Variants in FAM169A observed in about 807,000 individuals in gnomAD.
The protein encoded by FAM169A is soluble lamin-associated protein of 75 kDa.
FAM169A carries 24 observed loss-of-function variants against 75.7 expected under a neutral mutation model. The observed-to-expected ratio is 0.32, with a 90% CI of 0.23 to 0.45. The LOEUF is 0.45. Among genes scored for constraint, FAM169A ranks in the 20% least tolerant of loss-of-function variants. The probability of loss-of-function intolerance (pLI) is 1.00; values close to 1 mark genes in which losing one functional copy is unlikely to be tolerated. For synonymous variants in FAM169A, 271 were observed against 271.0 expected, an observed-to-expected ratio of 1.00 and a Z score of 0.00; for missense variants, 673 against 784.0, an observed-to-expected ratio of 0.86 and a Z score of 1.69.
rs1451665646 is a variant in FAM169A, at chr5:74,779,130, C to T, written c.*2330G>A. The stretch of plus-strand genomic sequence containing the variant: ...GAACAAAAAACTTCTAAATTGTTTA[C>T]AATTCACTTACTATTTAACCCAAAC... On this transcript the variant is annotated 3_prime_UTR_variant, in exon 13 of 13. Coordinates refer to ENST00000687041, the MANE Select transcript of FAM169A (RefSeq NM_001376049.1). 1 of 152,060 alleles carries T rather than the reference C, an allele frequency of 6.6e-6. No individual in the cohort carries two copies. Among genetic ancestry groups the T allele is most frequent in the East Asian group, 1.9e-4 (1 of 5,200 alleles). The allele number at this position is 152,060 out of a possible 1,614,324, so 9.4% of individuals were successfully genotyped here. A position where few individuals can be genotyped will look rare whatever the true frequency, so the allele number is the denominator to read the frequency against.
chr5:74,864,627 G>C (rs1489226509), intron 1 of FAM169A, among the ~76,000 whole-genome samples: 1 of 152,116 alleles, frequency 6.6e-6, no homozygotes, highest in Non-Finnish European at 1.5e-5. Flanking sequence ...AAATCCACAG[G>C]TAAAACACCT....
At chr5:74,863,598 TAGGC>T (rs1750151994) in intron 1 of FAM169A, among the ~76,000 whole-genome samples, 1 of 152,252 alleles carries the variant, frequency 6.6e-6, no homozygotes, top group Admixed American at 6.5e-5. Flanking sequence ...ACTGAATTTT[TAGGC>T]AGATGACTGA....
At position 74,783,122 on chromosome 5, in the gene FAM169A, C is replaced by G. The variant is rs369687897; in HGVS notation, c.1273G>C (p.Glu425Gln). 5 of 1,611,540 alleles carry G rather than the reference C, an allele frequency of 3.1e-6. No individual in the cohort carries two copies. The highest frequency in any genetic ancestry group is 4.2e-6 in the Non-Finnish European group (5 of 1,178,406). Residue 425 changes from glutamate (E) to glutamine (Q), a missense_variant, in exon 12 of 13, where the codon GAG (glutamate) becomes CAG (glutamine). By Grantham distance (29) the Glu-to-Gln change is conservative. Coordinates refer to ENST00000687041, the MANE Select transcript of FAM169A (RefSeq NM_001376049.1). ...TCCATTATCTCACCATTCATAGGCT[C>G]TAATTCAGATTCCTACACCATGAGG... ...KQDGEKESEL[E>Q]PMNGEIMDDS...
intron 5 of FAM169A, among the ~76,000 whole-genome samples, chr5:74,814,877 T>G (rs1211870828): frequency 6.6e-6 from 1 of 152,226 alleles, no homozygotes; most frequent in Non-Finnish European, 1.5e-5. Flanking sequence ...CAGTCATTAT[T>G]CTATTATTTT....
At chr5:74,845,294 G>C (rs1040438020) in intron 1 of FAM169A, among the ~76,000 whole-genome samples, 2 of 152,108 alleles carry the variant, frequency 1.3e-5, no homozygotes. Context: ...TGAGGTGGTT[G>C]GATCATGAGG....
chr5:74,866,574 C>T, upstream of FAM169A: 1 of 531,434 alleles, frequency 1.9e-6, no homozygotes, highest in Non-Finnish European at 2.4e-6. Flanking sequence ...TCACGCGGCC[C>T]CCGCCTCGCC....
At chr5:74,858,192 C>T (rs1749823798) in intron 1 of FAM169A, among the ~76,000 whole-genome samples, 1 of 151,830 alleles carries the variant, frequency 6.6e-6, no homozygotes, top group Admixed American at 6.6e-5. Flanking sequence ...TTGAGACCAG[C>T]CTGACCAACA....
chr5:74,859,312 CAG>C (rs1231086049), intron 1 of FAM169A, among the ~76,000 whole-genome samples: 2 of 98,686 alleles, frequency 2.0e-5, no homozygotes, highest in East Asian at 6.3e-4. Flanking sequence ...TTTTTTGAGA[CAG>C]AGTCTTGCTC....
intron 10 of FAM169A, chr5:74,799,299 G>T: frequency 6.3e-7 from 1 of 1,581,418 alleles, no homozygotes; most frequent in Non-Finnish European, 8.7e-7. Flanking sequence ...CTACTTTTGT[G>T]AAGTGGTCCG....
At chr5:74,835,936 C>A (rs1408445887) in intron 4 of FAM169A, among the ~76,000 whole-genome samples, 2 of 152,096 alleles carry the variant, frequency 1.3e-5, no homozygotes, top group African/African-American at 4.8e-5. Context: ...GAAGATAGAG[C>A]CATGATGTTC....
intron 6 of FAM169A, among the ~76,000 whole-genome samples, chr5:74,812,686 CAAAG>C (rs1747265797): frequency 6.6e-6 from 1 of 151,970 alleles, no homozygotes; most frequent in African/African-American, 2.4e-5. Flanking sequence ...CAGATTTCTC[CAAAG>C]AAGATATACA....
intron 5 of FAM169A, among the ~76,000 whole-genome samples, chr5:74,823,036 G>T (rs1747841864): frequency 6.6e-6 from 1 of 152,080 alleles, no homozygotes; most frequent in Non-Finnish European, 1.5e-5. Flanking sequence ...TACTAAAACA[G>T]CTCTTTTAAT....
At chr5:74,866,827 G>T (rs929602446), upstream of FAM169A, 1 of 985,452 alleles carries the variant, frequency 1.0e-6, no homozygotes, top group Non-Finnish European at 1.2e-6. Context: ...TACCCAGAGT[G>T]GGCGCGGCCA....
At position 74,778,588 on chromosome 5, in the gene FAM169A, T is replaced by C. The variant is rs1462659145; in HGVS notation, c.*2872A>G. On this transcript the variant is annotated 3_prime_UTR_variant, in exon 13 of 13. Transcript: ENST00000687041. ...AGACTGACGTTCTAAATCATGCTGT[T>C]TGATTTTATAAAAAAATCATAATAG... 1.6e-5 allele frequency: 2 copies of C among 126,356 alleles called. No homozygotes were observed. Among genetic ancestry groups the C allele is most frequent in the Non-Finnish European group, 3.1e-5 (2 of 64,498 alleles). 7.8% of individuals were successfully genotyped at this position (126,356 alleles called of 1,614,324 possible). A position where few individuals can be genotyped will look rare whatever the true frequency, so the allele number is the denominator to read the frequency against.
intron 5 of FAM169A, among the ~76,000 whole-genome samples, chr5:74,820,708 G>C (rs1747726434): frequency 6.6e-6 from 1 of 152,052 alleles, no homozygotes; most frequent in South Asian, 2.1e-4. Flanking sequence ...CAGAACCCCT[G>C]CACCCAGTTT....
At chr5:74,785,565 C>T (rs1055314636) in intron 11 of FAM169A, among the ~76,000 whole-genome samples, 24 of 152,048 alleles carry the variant, frequency 1.6e-4, no homozygotes, top group East Asian at 1.2e-3. Context: ...AGTTCAAGAC[C>T]GGACTGGCCA....
chr5:74,845,684 T>TA (rs571304377), intron 1 of FAM169A, among the ~76,000 whole-genome samples: 67 of 152,240 alleles, frequency 4.4e-4, no homozygotes, highest in African/African-American at 1.2e-3. Flanking sequence ...ATGTCTAAAT[T>TA]AAAGAGAAGG....
At chr5:74,786,542 AGTTTG>A (rs1161869254) in intron 11 of FAM169A, among the ~76,000 whole-genome samples, 1 of 152,218 alleles carries the variant, frequency 6.6e-6, no homozygotes, top group Non-Finnish European at 1.5e-5. Context: ...AGAGGGAAGA[AGTTTG>A]GTGACTCTAA....
At chr5:74,866,833 G>A, upstream of FAM169A, 1 of 985,540 alleles carries the variant, frequency 1.0e-6, no homozygotes. Context: ...GAGTGGGCGC[G>A]GCCATCCCGG....
Sources: allele counts gnomAD v4.1 joint callset (sites outside exome capture counted in the v4.1 genomes callset), GRCh38; gene constraint gnomAD v4.1.1; transcripts MANE v1.5; gene names NCBI Gene and HGNC (gene_info 2026-07-23, HGNC 2026-07-21).